The following C2orf76 variants were observed in gnomAD, a reference collection of about 807,000 sequenced individuals.
C2orf76 encodes UPF0538 protein C2orf76.
A neutral mutation model predicts 16.9 loss-of-function variants in C2orf76; 23 were observed. That is an observed-to-expected ratio of 1.36 (90% CI 0.98 to 1.93). The LOEUF is 1.93. Among genes scored for constraint, C2orf76 ranks in the 30% most tolerant of loss-of-function variants. The probability of loss-of-function intolerance (pLI) is 0.00; values close to 1 mark genes in which losing one functional copy is unlikely to be tolerated. For synonymous variants in C2orf76, 48 were observed against 52.3 expected, an observed-to-expected ratio of 0.92 and a Z score of 0.35; for missense variants, 152 against 152.6, an observed-to-expected ratio of 1.00 and a Z score of 0.02.
At chr2:119,315,991 G>C (rs1382339961) in intron 4 of C2orf76, among the ~76,000 whole-genome samples, 1 of 152,178 alleles carries the variant, frequency 6.6e-6, no homozygotes, top group African/African-American at 2.4e-5. Context: ...GGCAACATGA[G>C]CATATGAAAA....
At chr2:119,343,066 G>C (rs1680087153) in intron 1 of C2orf76, among the ~76,000 whole-genome samples, 2 of 152,214 alleles carry the variant, frequency 1.3e-5, no homozygotes, top group South Asian at 2.1e-4. Context: ...AGTATGTCTG[G>C]AATATTTTAT....
intron 2 of C2orf76, among the ~76,000 whole-genome samples, 193 bp from the exon 3 acceptor site, chr2:119,321,397 T>C (rs1478041294): frequency 3.9e-5 from 6 of 152,014 alleles, no homozygotes; most frequent in Non-Finnish European, 2.9e-5. Flanking sequence ...TATAAAGAAA[T>C]ACCCAAGACT....
chr2:119,311,060 A>G, intron 5 of C2orf76: 1 of 671,650 alleles, frequency 1.5e-6, no homozygotes, highest in Non-Finnish European at 1.8e-6. Context: ...AGTGACATCT[A>G]ATGGTCACAA....
At chr2:119,352,329 A>C (rs1332648133) in intron 1 of C2orf76, among the ~76,000 whole-genome samples, 1 of 152,252 alleles carries the variant, frequency 6.6e-6, no homozygotes, top group Non-Finnish European at 1.5e-5. Flanking sequence ...CAAATGAAAA[A>C]GGTACAACTT....
At chr2:119,300,356 T>C (rs1207607984), downstream of C2orf76, among the ~76,000 whole-genome samples, 2 of 152,206 alleles carry the variant, frequency 1.3e-5, no homozygotes, top group Non-Finnish European at 2.9e-5. Context: ...TGTCTTCTAG[T>C]CTTTCTGCCA....
downstream of C2orf76, among the ~76,000 whole-genome samples, chr2:119,301,104 C>CACAA (rs531243604): frequency 1.4e-5 from 2 of 141,904 alleles, no homozygotes; most frequent in Non-Finnish European, 2.9e-5. Context: ...CACACACACA[C>CACAA]AACTAATTTC....
rs1185092482 is a variant in C2orf76, at chr2:119,317,510, GAA to G, written c.185-9_185-8del. Reference sequence around the variant, plus strand: ...TGAATAATCTTTAGTGCATCTGAAAGAAAAAAGCAAGTTATCTTTTTACACAG... The same window carrying G: ...TGAATAATCTTTAGTGCATCTGAAAGAAAAGCAAGTTATCTTTTTACACAG... On this transcript the variant is annotated splice_region_variant and splice_polypyrimidine_tract_variant and intron_variant, in intron 3 of 5. Transcript: ENST00000334816. 7 of 1,601,694 alleles carry G rather than the reference GAA, an allele frequency of 4.4e-6. No individual in the cohort carries two copies. The highest frequency in any genetic ancestry group is 6.0e-6 in the Non-Finnish European group (7 of 1,172,064).
intron 5 of C2orf76, among the ~76,000 whole-genome samples, chr2:119,307,587 A>G (rs1411388748): frequency 1.3e-5 from 2 of 152,096 alleles, no homozygotes; most frequent in South Asian, 2.1e-4. Flanking sequence ...ACTCTAGATA[A>G]CAAAGAGAAA....
At chr2:119,352,816 T>A (rs1039527321) in intron 1 of C2orf76, among the ~76,000 whole-genome samples, 1 of 152,248 alleles carries the variant, frequency 6.6e-6, no homozygotes, top group Non-Finnish European at 1.5e-5. Flanking sequence ...AGAGAGAGTG[T>A]ATTAGAGTGA....
At chr2:119,360,889 A>T (rs1680723709) in intron 1 of C2orf76, among the ~76,000 whole-genome samples, 1 of 152,258 alleles carries the variant, frequency 6.6e-6, no homozygotes, top group South Asian at 2.1e-4. Flanking sequence ...CAAAAAGGCT[A>T]TATACCACAA....
rs969314437 is a variant in C2orf76, at chr2:119,318,295, C to T, written c.185-792G>A. ...TTTTTATTTAAACATTTAATGAATGCATTATGATTACAGTGTATTATTGAA... is the reference window on the plus strand; with the variant it reads ...TTTTTATTTAAACATTTAATGAATGTATTATGATTACAGTGTATTATTGAA... On this transcript the variant is annotated intron_variant, in intron 3 of 5. Transcript: ENST00000334816. Among the ~76,000 whole-genome samples the T allele has an allele frequency of 1.3e-5, 2 of 152,136 alleles. 1 individual carries two copies. Among genetic ancestry groups the T allele is most frequent in the East Asian group, 3.8e-4 (2 of 5,206 alleles).
chr2:119,301,647 G>A (rs1334651801), downstream of C2orf76, among the ~76,000 whole-genome samples: 2 of 152,160 alleles, frequency 1.3e-5, no homozygotes, highest in Non-Finnish European at 2.9e-5. Flanking sequence ...TGACTGAAAG[G>A]CCTCTGAAAT....
At chr2:119,301,104 C>CACACACACACACACACACAA (rs531243604), downstream of C2orf76, among the ~76,000 whole-genome samples, 2 of 141,904 alleles carry the variant, frequency 1.4e-5, no homozygotes, top group East Asian at 3.9e-4. Flanking sequence ...CACACACACA[C>CACACACACACACACACACAA]AACTAATTTC....
chr2:119,327,837 C>G (rs1024530584), intron 2 of C2orf76, among the ~76,000 whole-genome samples: 2 of 152,126 alleles, frequency 1.3e-5, no homozygotes, highest in African/African-American at 4.8e-5. Context: ...AACAGACTAA[C>G]AGAGTCATAA....
intron 1 of C2orf76, among the ~76,000 whole-genome samples, chr2:119,342,735 G>A (rs1296449895): frequency 1.3e-5 from 2 of 151,818 alleles, no homozygotes; most frequent in Non-Finnish European, 2.9e-5. Flanking sequence ...ATCTTAAGCA[G>A]ATGTTAGGTA....
In C2orf76 at chr2:119,340,284, C is replaced by T. The variant is rs114630209; in HGVS notation, c.-12-313G>A. The T allele has an allele frequency of 2.9e-3, 644 of 224,952 alleles. 2 individuals are homozygous for T. The highest frequency in any genetic ancestry group is 7.3e-3 in the Middle Eastern group (5 of 688). The allele number at this position is 224,952 out of a possible 1,614,324, so 13.9% of individuals were successfully genotyped here. A position where few individuals can be genotyped will look rare whatever the true frequency, so the allele number is the denominator to read the frequency against. On this transcript the variant is annotated intron_variant, in intron 1 of 5. Transcript: ENST00000334816. ...ATGTGTACGTGTGGAAACAGAGAAGCAGGACGGCCGAACACAAACACACAG... is the reference window on the plus strand; with the variant it reads ...ATGTGTACGTGTGGAAACAGAGAAGTAGGACGGCCGAACACAAACACACAG...
the C2orf76 span, among the ~76,000 whole-genome samples, chr2:119,283,488 T>C: frequency 9.2e-5 from 14 of 152,302 alleles, no homozygotes; most frequent in South Asian, 2.9e-3. Flanking sequence ...TTTTGTTTTT[T>C]TCTTGAGAGG....
At chr2:119,293,438 C>T in the C2orf76 span, among the ~76,000 whole-genome samples, 2 of 152,118 alleles carry the variant, frequency 1.3e-5, no homozygotes, top group African/African-American at 2.4e-5. Flanking sequence ...TGGTGTGCAC[C>T]AGGAAGAGGA....
Position 119,325,238 on chromosome 2 carries a change from C to T in C2orf76, c.134-4034G>A, listed in dbSNP as rs553497025. Among the ~76,000 whole-genome samples the T allele has an allele frequency of 2.6e-5, 4 of 151,822 alleles. No individual in the cohort carries two copies. In the East Asian group the frequency reaches 7.8e-4, roughly 29 times the overall value. On this transcript the variant is annotated intron_variant, in intron 2 of 5. Coordinates refer to ENST00000334816, the MANE Select transcript of C2orf76 (RefSeq NM_001322331.2). ...ACTTTGGGAGGCCGAGGCGGTTGGG[C>T]CACCTGAGGTCAAGAGTTCGAGACC...
Sources: allele counts gnomAD v4.1 joint callset (sites outside exome capture counted in the v4.1 genomes callset), GRCh38; gene constraint gnomAD v4.1.1; transcripts MANE v1.5; gene names NCBI Gene and HGNC (gene_info 2026-07-23, HGNC 2026-07-21).